The following CDH12 variants were observed in gnomAD, a reference collection of about 807,000 sequenced individuals.
CDH12 encodes the protein cadherin-12.
Under a neutral mutation model 74.1 loss-of-function variants are expected in CDH12, and 41 were observed. The ratio of observed to expected loss-of-function variants is 0.55; its 90% confidence interval spans 0.43 to 0.72. The LOEUF (loss-of-function observed/expected upper bound fraction) is 0.72. Ranked by LOEUF, CDH12 falls within the 30% of genes least tolerant of loss-of-function variation. The pLI, the probability that CDH12 is intolerant of heterozygous loss-of-function variation, is 0.00. For missense variants in CDH12, 945 were observed against 977.2 expected (o/e 0.97, Z 0.44); for synonymous variants, 399 against 355.0 (o/e 1.12, Z -1.39).
At chr5:22,813,808 G>T (rs1048692678) in intron 1 of CDH12, among the ~76,000 whole-genome samples, 12 of 152,030 alleles carry the variant, frequency 7.9e-5, no homozygotes, top group African/African-American at 2.7e-4. Context: ...CTTAGAATTG[G>T]AATCTTCCCT....
chr5:22,647,848 C>A (rs944631187), intron 1 of CDH12, among the ~76,000 whole-genome samples: 6 of 151,830 alleles, frequency 4.0e-5, no homozygotes, highest in Non-Finnish European at 8.8e-5. Flanking sequence ...CACTTTTATG[C>A]AATCCCTGAA....
chr5:22,664,253 TTGCCC>T (rs1740493956), intron 1 of CDH12, among the ~76,000 whole-genome samples: 1 of 152,168 alleles, frequency 6.6e-6, no homozygotes, highest in African/African-American at 2.4e-5. Context: ...TTATACAGAA[TTGCCC>T]GATACTGGGT....
At chr5:22,120,657 T>C (rs1003245340) in intron 4 of CDH12, among the ~76,000 whole-genome samples, 3 of 152,302 alleles carry the variant, frequency 2.0e-5, no homozygotes, top group South Asian at 4.1e-4. Context: ...ATATAATTTA[T>C]AGAAATAATT....
intron 6 of CDH12, among the ~76,000 whole-genome samples, chr5:21,974,463 T>A (rs1756978123): frequency 6.6e-6 from 1 of 152,162 alleles, no homozygotes; most frequent in Non-Finnish European, 1.5e-5. Flanking sequence ...ATTTTTAGAA[T>A]GATGGTGCTA....
chr5:21,929,442 T>C (rs1208820890), intron 6 of CDH12, among the ~76,000 whole-genome samples: 2 of 151,824 alleles, frequency 1.3e-5, no homozygotes, highest in African/African-American at 4.8e-5. Flanking sequence ...CCTAGATCCC[T>C]GGCATGCTCA....
intron 3 of CDH12, among the ~76,000 whole-genome samples, chr5:22,386,750 A>G (rs777447112): frequency 4.9e-4 from 74 of 152,152 alleles, no homozygotes; most frequent in Non-Finnish European, 8.4e-4. Flanking sequence ...TGAAAAACCA[A>G]TAATATAATG....
intron 2 of CDH12, among the ~76,000 whole-genome samples, chr5:22,458,731 A>G (rs996338022): frequency 6.6e-6 from 1 of 152,162 alleles, no homozygotes; most frequent in Non-Finnish European, 1.5e-5. Flanking sequence ...TTTCAATAAC[A>G]CTCTATGAAC....
chr5:22,098,204 G>A (rs1743914401), intron 4 of CDH12, among the ~76,000 whole-genome samples: 1 of 152,142 alleles, frequency 6.6e-6, no homozygotes, highest in African/African-American at 2.4e-5. Context: ...ACTGCTGCAA[G>A]TCTTCAAAGA....
intron 1 of CDH12, among the ~76,000 whole-genome samples, chr5:22,643,097 T>C (rs1248674819): frequency 6.6e-6 from 1 of 152,126 alleles, no homozygotes; most frequent in Non-Finnish European, 1.5e-5. Context: ...GATACCTGAC[T>C]CTCCTAGCAT....
chr5:22,145,255 T>C (rs565533196), intron 4 of CDH12, among the ~76,000 whole-genome samples: 4 of 152,270 alleles, frequency 2.6e-5, no homozygotes, highest in East Asian at 3.9e-4. Context: ...TATGTGTGCA[T>C]GTACAATATA....
intron 3 of CDH12, among the ~76,000 whole-genome samples, chr5:22,267,968 C>T (rs1050405397): frequency 2.5e-4 from 38 of 152,186 alleles, no homozygotes; most frequent in African/African-American, 8.9e-4. Flanking sequence ...CATCCCAACC[C>T]TTATACATAA....
intron 3 of CDH12, among the ~76,000 whole-genome samples, chr5:22,251,241 G>C (rs1197019788): frequency 6.6e-6 from 1 of 152,164 alleles, no homozygotes; most frequent in African/African-American, 2.4e-5. Context: ...GGGCAAGACT[G>C]CAGAGAATGC....
At chr5:22,114,634 A>G (rs1199912385) in intron 4 of CDH12, among the ~76,000 whole-genome samples, 1 of 152,220 alleles carries the variant, frequency 6.6e-6, no homozygotes, top group African/African-American at 2.4e-5. Flanking sequence ...AAATAAAAGA[A>G]TAAAGACTTC....
At chr5:22,486,956 T>G (rs1306159682) in intron 2 of CDH12, among the ~76,000 whole-genome samples, 1 of 152,102 alleles carries the variant, frequency 6.6e-6, no homozygotes, top group Non-Finnish European at 1.5e-5. Context: ...AACTTAGGGG[T>G]CAGAGAGCGC....
intron 3 of CDH12, among the ~76,000 whole-genome samples, chr5:22,295,849 A>G: frequency 6.6e-6 from 1 of 152,120 alleles, no homozygotes; most frequent in Non-Finnish European, 1.5e-5. Context: ...AATGAATACT[A>G]GCAAGCCAAT....
chr5:22,350,940 G>A (rs2150464297), intron 3 of CDH12, among the ~76,000 whole-genome samples: 1 of 152,224 alleles, frequency 6.6e-6, no homozygotes, highest in Non-Finnish European at 1.5e-5. Flanking sequence ...ATGTTCTAGA[G>A]ACTAATACAT....
At chr5:21,896,743 ACTT>A (rs1753143235) in intron 6 of CDH12, among the ~76,000 whole-genome samples, 2 of 152,210 alleles carry the variant, frequency 1.3e-5, no homozygotes, top group South Asian at 4.1e-4. Flanking sequence ...AGATGGCTAA[ACTT>A]CTTAACACTG....
At chr5:22,681,787 A>G (rs915297394) in intron 1 of CDH12, among the ~76,000 whole-genome samples, 1 of 152,092 alleles carries the variant, frequency 6.6e-6, no homozygotes, top group Non-Finnish European at 1.5e-5. Context: ...TAGGTTTCAC[A>G]TTGGATTTAT....
chr5:22,106,055 G>A (rs1209759433), intron 4 of CDH12, among the ~76,000 whole-genome samples: 1 of 152,030 alleles, frequency 6.6e-6, no homozygotes, highest in African/African-American at 2.4e-5. Context: ...ATTTTTCATG[G>A]TCTGATTTGT....
Sources: gnomAD v4.1 joint callset for allele counts (sites outside exome capture counted in the v4.1 genomes callset) on GRCh38, gnomAD v4.1.1 for gene constraint, MANE v1.5 for transcripts, NCBI Gene and HGNC (gene_info 2026-07-23, HGNC 2026-07-21) for gene names.